IL17REL: variants seen among roughly 807,000 people sequenced by gnomAD.
IL17REL encodes interleukin 17 receptor E like.
A neutral mutation model predicts 49.0 loss-of-function variants in IL17REL; 36 were observed. The ratio of observed to expected loss-of-function variants is 0.73; its 90% CI spans 0.56 to 0.97. IL17REL has a LOEUF of 0.97. Ranked by LOEUF, IL17REL falls within the 50% of genes least tolerant of loss-of-function variation. IL17REL has a pLI of 0.00. For synonymous variants in IL17REL, 206 were observed against 192.4 expected (o/e 1.07, Z -0.58); for missense variants, 470 against 453.9 (o/e 1.04, Z -0.32).
chr22:49,997,088 G>A lies in IL17REL; in HGVS notation c.975-14C>T. On this transcript the variant is annotated splice_polypyrimidine_tract_variant and intron_variant, in intron 11 of 12. Coordinates refer to ENST00000341280, the Ensembl canonical transcript of IL17REL. The stretch of plus-strand genomic sequence containing the variant: ...TGCCAGGTCACCCTGGGTGGGGGAG[G>A]GCAGGTCACAGGCAATGGGAGGAAG... 6.4e-7 allele frequency: 1 copy of A among 1,572,782 alleles called. No individual in the cohort carries two copies. The highest frequency in any genetic ancestry group is 2.3e-5 in the East Asian group (1 of 44,006).
At chr22:49,998,596 C>T (rs138375378) in intron 7 of IL17REL, among the ~76,000 whole-genome samples, 3 of 125,552 alleles carry the variant, frequency 2.4e-5, no homozygotes, top group African/African-American at 6.4e-5. Context: ...TGTATGTGTA[C>T]GTGTTTGCAT....
chr22:49,997,630 T>TA lies in IL17REL; in HGVS notation c.877+54dup, dbSNP rs1367824660. ...CACCTCCCTGACCAGCACAGAGTGA[T>TA]ATAAAGGATGTTCTGTGCTGCGTCC... On this transcript the variant is annotated intron_variant, in intron 10 of 12. Coordinates refer to ENST00000341280, the Ensembl canonical transcript of IL17REL. The TA allele has an allele frequency of 1.8e-4, 283 of 1,529,930 alleles. No individual in the cohort carries two copies. The Middle Eastern group carries it at 4.9e-3, about 27-fold the overall frequency. The allele number at this position is 1,529,930 out of a possible 1,614,324, so 94.8% of individuals were successfully genotyped here.
chr22:50,004,064 T>C lies in IL17REL; in HGVS notation c.-41-2833A>G, dbSNP rs184268574. ...AAAAATCCACTATTTCTTTTTTGTTTGTTTTAGTTTTTTGTTTTTTTGTGT... is the reference window on the plus strand; with the variant it reads ...AAAAATCCACTATTTCTTTTTTGTTCGTTTTAGTTTTTTGTTTTTTTGTGT... On this transcript the variant is annotated intron_variant, in intron 1 of 12. Coordinates refer to ENST00000341280, the Ensembl canonical transcript of IL17REL. 4.3e-3 allele frequency among the ~76,000 whole-genome samples: 659 copies of C among 152,186 alleles called. 4 individuals are homozygous for C. Among genetic ancestry groups the C allele is most frequent in the Middle Eastern group, 6.8e-3 (2 of 294 alleles).
downstream of IL17REL, among the ~76,000 whole-genome samples, chr22:49,992,816 C>T (rs952564999): frequency 1.3e-5 from 2 of 152,030 alleles, no homozygotes; most frequent in East Asian, 3.9e-4. Context: ...TGGGGTTTCC[C>T]CATGTTGGCC....
exon 13 of IL17REL, chr22:49,995,062 G>A (rs963560085): frequency 3.3e-5 from 5 of 152,488 alleles, no homozygotes; most frequent in African/African-American, 1.2e-4. Flanking sequence ...CCCCAGTGAA[G>A]CTCAGCACCC....
At chr22:49,992,232 C>T (rs1490223265), downstream of IL17REL, among the ~76,000 whole-genome samples, 2 of 152,190 alleles carry the variant, frequency 1.3e-5, no homozygotes, top group Non-Finnish European at 2.9e-5. Context: ...TTTATTCACA[C>T]TTGCGTGCCA....
intron 12 of IL17REL, 47 bp from the exon 15 acceptor site, chr22:49,996,907 G>A (rs987969065): frequency 3.7e-5 from 25 of 666,666 alleles, no homozygotes; most frequent in Non-Finnish European, 5.6e-5. Context: ...TGCTTCCCCC[G>A]GGGATGGGGG....
At position 49,999,350 on chromosome 22, in the gene IL17REL, G is replaced by A. The variant is rs1284727955; in HGVS notation, c.547-5C>T. 6.2e-7 allele frequency: 1 copy of A among 1,612,926 alleles called. No individual in the cohort carries two copies. Among genetic ancestry groups the A allele is most frequent in the Non-Finnish European group, 8.5e-7 (1 of 1,179,992 alleles). On this transcript the variant is annotated splice_region_variant and splice_polypyrimidine_tract_variant and intron_variant, in intron 6 of 12. Coordinates refer to ENST00000341280, the Ensembl canonical transcript of IL17REL. The stretch of plus-strand genomic sequence containing the variant: ...GTCAGGGGTCGCAGACCAGCCCTGT[G>A]GGAGGGGCTGGGGTCAGCGCAGCCC...
chr22:50,010,405 G>C (rs920758474), upstream of IL17REL, among the ~76,000 whole-genome samples: 1 of 152,242 alleles, frequency 6.6e-6, no homozygotes, highest in Non-Finnish European at 1.5e-5. Flanking sequence ...AGACCAGCCC[G>C]GGCACAGAGG....
At chr22:50,010,750 C>T (rs1022545248), upstream of IL17REL, among the ~76,000 whole-genome samples, 29 of 151,730 alleles carry the variant, frequency 1.9e-4, no homozygotes, top group Non-Finnish European at 4.0e-4. Flanking sequence ...GCGGTTCTGC[C>T]CCGCCCCTGC....
intron 7 of IL17REL, 141 bp downstream of exon 9, chr22:49,999,150 T>C (rs2061057968): frequency 9.9e-7 from 1 of 1,013,350 alleles, no homozygotes; most frequent in Non-Finnish European, 1.6e-6. Context: ...GTTCCCTTGG[T>C]GACAAGCCCT....
At position 49,999,810 on chromosome 22, in the gene IL17REL, CGGGGCGCGGGCGCTCACTCGCACA is replaced by C; in HGVS notation, c.468_474+17del. ...GCGGGGCCTAAGGCTGACCGGGGCC[CGGGGCGCGGGCGCTCACTCGCACA>C]GGGGCGCCGGCGTCCTCGCAGGTGA... On this transcript the variant is annotated splice_donor_variant and splice_donor_5th_base_variant and coding_sequence_variant and intron_variant, in exon 5 of 13. Transcript: ENST00000341280. LOFTEE classifies it high-confidence loss of function. 6.7e-7 allele frequency: 1 copy of C among 1,488,510 alleles called. No homozygotes were observed. The highest frequency in any genetic ancestry group is 1.3e-5 in the South Asian group (1 of 77,574). The allele number at this position is 1,488,510 out of a possible 1,614,324, so 92.2% of individuals were successfully genotyped here.
At chr22:50,006,493 C>T (rs1419073028) in intron 1 of IL17REL, among the ~76,000 whole-genome samples, 1 of 151,928 alleles carries the variant, frequency 6.6e-6, no homozygotes, top group Non-Finnish European at 1.5e-5. Context: ...GAGGGTGGGC[C>T]CAGGTGTCCT....
chr22:50,005,452 T>C (rs1256209315), intron 1 of IL17REL, among the ~76,000 whole-genome samples: 5 of 151,920 alleles, frequency 3.3e-5, no homozygotes, highest in African/African-American at 1.2e-4. Flanking sequence ...CGATGGGGAA[T>C]TGGGAATTCA....
chr22:50,009,600 G>A (rs1302745153), upstream of IL17REL, among the ~76,000 whole-genome samples: 4 of 142,180 alleles, frequency 2.8e-5, no homozygotes, highest in African/African-American at 5.1e-5. Flanking sequence ...CTTGAAAAGA[G>A]CTGACCCTCT....
At chr22:50,000,733 A>T in intron 3 of IL17REL, 21 bp downstream of exon 4, 1 of 1,566,302 alleles carries the variant, frequency 6.4e-7, no homozygotes, top group South Asian at 1.2e-5. Context: ...CTTGGGTGGC[A>T]GAGCCCTGCC....
At chr22:50,011,457 C>A (rs960005438), upstream of IL17REL, among the ~76,000 whole-genome samples, 3 of 152,002 alleles carry the variant, frequency 2.0e-5, no homozygotes, top group South Asian at 2.1e-4. Context: ...TTCCAGCTTG[C>A]ACTTCAAGGC....
chr22:50,004,970 TAAAAAAAAAA>T (rs11455056), intron 1 of IL17REL, among the ~76,000 whole-genome samples: 2 of 51,970 alleles, frequency 3.8e-5, no homozygotes, highest in African/African-American at 1.2e-4. Flanking sequence ...AACCAGAAAG[TAAAAAAAAAA>T]AAAAAAAAAA....
rs1374089654 is a variant in IL17REL, at chr22:50,000,910, C to T, written c.110-47G>A. The T allele has an allele frequency of 4.9e-6, 7 of 1,430,820 alleles. No individual in the cohort carries two copies. In the East Asian group the frequency reaches 1.0e-4, roughly 20 times the overall value. 88.6% of individuals were successfully genotyped at this position (1,430,820 alleles called of 1,614,324 possible). ...CAGGGTGCATCAGAGCAGGGCCGCC[C>T]CTGGCTCCGGACGGGGCCGTGGGAC... is the stretch of plus-strand genomic sequence containing the variant. On this transcript the variant is annotated intron_variant, in intron 2 of 12. Transcript: ENST00000341280.
Sources: gnomAD v4.1 joint callset for allele counts (sites outside exome capture counted in the v4.1 genomes callset) on GRCh38, gnomAD v4.1.1 for gene constraint, MANE v1.5 for transcripts, NCBI Gene and HGNC (gene_info 2026-07-23, HGNC 2026-07-21) for gene names.